Variants in SHROOM4 observed in about 807,000 individuals in gnomAD.
The protein encoded by SHROOM4 is protein Shroom4.
SHROOM4 carries 17 observed loss-of-function variants against 80.3 expected under a neutral mutation model. The ratio of observed to expected loss-of-function variants is 0.21; its 90% CI spans 0.14 to 0.32. The LOEUF (loss-of-function observed/expected upper bound fraction) is 0.32, where lower values mean the gene tolerates loss of function less well. Among genes scored for constraint, SHROOM4 ranks in the 10% least tolerant of loss-of-function variants. The pLI is 1.00. For missense variants in SHROOM4, 993 were observed against 1,140.3 expected, an observed-to-expected ratio of 0.87 and a Z score of 1.86; for synonymous variants, 400 against 437.5, an observed-to-expected ratio of 0.91 and a Z score of 1.07.
intron 1 of SHROOM4, among the ~76,000 whole-genome samples, chrX:50,766,796 A>AT (rs1935285984): frequency 8.9e-6 from 1 of 112,010 alleles, no homozygotes; most frequent in Admixed American, 9.5e-5. Flanking sequence ...AAGCAATAAA[A>AT]TTGGAAAAAT....
chrX:50,654,025 G>A (rs1932216200), intron 2 of SHROOM4, among the ~76,000 whole-genome samples: 2 of 111,917 alleles, frequency 1.8e-5, no homozygotes, highest in African/African-American at 3.2e-5. Context: ...CTAAATACGG[G>A]CTGCTGCTAT....
intron 2 of SHROOM4, among the ~76,000 whole-genome samples, chrX:50,656,109 T>C (rs183978755): frequency 8.9e-6 from 1 of 112,073 alleles, no homozygotes; most frequent in African/African-American, 3.2e-5. Flanking sequence ...TCAAGTTATT[T>C]GTTTTCTTAC....
intron 1 of SHROOM4, among the ~76,000 whole-genome samples, chrX:50,770,427 T>G (rs1935371890): frequency 8.9e-6 from 1 of 111,973 alleles, no homozygotes; most frequent in Non-Finnish European, 1.9e-5. Flanking sequence ...TCCAACATAC[T>G]GTGTTTCAAG....
intron 2 of SHROOM4, among the ~76,000 whole-genome samples, chrX:50,651,783 C>A (rs1557258858): frequency 1.9e-5 from 2 of 106,646 alleles, no homozygotes; most frequent in Non-Finnish European, 3.9e-5. Context: ...CTCCCAGTGT[C>A]CATGTGTTCT....
rs782384536 is a variant in SHROOM4, at chrX:50,666,668, C to G, written c.270-28360G>C. Among the ~76,000 whole-genome samples, 4 of 112,084 alleles carry G rather than the reference C, an allele frequency of 3.6e-5. No individual in the cohort carries two copies. The East Asian group carries it at 8.4e-4, about 24-fold the overall frequency. ...CTCATACAAAATGCATACACCAAAA[C>G]AAGTTTTTAATTTTTGTTCAAAATA... is the stretch of plus-strand genomic sequence containing the variant. On this transcript the variant is annotated intron_variant, in intron 2 of 8. Transcript: ENST00000376020.
chrX:50,692,447 G>T (rs1279758582), intron 2 of SHROOM4, among the ~76,000 whole-genome samples: 2 of 111,699 alleles, frequency 1.8e-5, no homozygotes, highest in African/African-American at 6.5e-5. Flanking sequence ...AAACAAATGG[G>T]AATGAAATTC....
chrX:50,696,036 G>T, intron 1 of SHROOM4, 99 bp from the exon 2 acceptor site: 2 of 981,427 alleles, frequency 2.0e-6, no homozygotes, highest in South Asian at 4.0e-5. Flanking sequence ...AGTAGTACTG[G>T]GGAATGGCTC....
At chrX:50,706,036 ACG>A (rs1569547882) in intron 1 of SHROOM4, among the ~76,000 whole-genome samples, 4 of 97,813 alleles carry the variant, frequency 4.1e-5, no homozygotes, top group Non-Finnish European at 6.3e-5. Flanking sequence ...ACACACACAC[ACG>A]TCATACCAAA....
chrX:50,668,052 C>T (rs1246080084), intron 2 of SHROOM4, among the ~76,000 whole-genome samples: 2 of 112,057 alleles, frequency 1.8e-5, no homozygotes, highest in Admixed American at 9.4e-5. Flanking sequence ...TCCACTCTGA[C>T]TAGGCTATTA....
chrX:50,721,610 C>T (rs1602461666), intron 1 of SHROOM4, among the ~76,000 whole-genome samples: 2 of 110,937 alleles, frequency 1.8e-5, no homozygotes, highest in African/African-American at 3.3e-5. Context: ...TATCTTGTGC[C>T]GACCTCCTGC....
At position 50,591,749 on chromosome X, in the gene SHROOM4, A is replaced by C. The variant is rs1000348970; in HGVS notation, c.*4946T>G. On this transcript the variant is annotated 3_prime_UTR_variant, in exon 9 of 9. Coordinates refer to ENST00000376020, the MANE Select transcript of SHROOM4 (RefSeq NM_020717.5). ...TTCTTTCTTTTTGAGACAAAGTCTC[A>C]CTCTGTTGCCCAGGATGGAGTGCAG... The C allele has an allele frequency of 1.1e-4, 31 of 287,284 alleles. No individual in the cohort carries two copies. Among genetic ancestry groups the C allele is most frequent in the Admixed American group, 1.7e-4 (4 of 23,814 alleles). The allele number at this position is 287,284 out of a possible 1,213,427, so 23.7% of individuals were successfully genotyped here.
intron 2 of SHROOM4, among the ~76,000 whole-genome samples, chrX:50,651,824 C>G (rs1277587267): frequency 1.8e-5 from 2 of 108,148 alleles, no homozygotes; most frequent in Non-Finnish European, 3.8e-5. Flanking sequence ...TGAGTGAGAA[C>G]ATGTGGTGTT....
chrX:50,776,201 A>C, intron 1 of SHROOM4, among the ~76,000 whole-genome samples: 1 of 111,739 alleles, frequency 8.9e-6, no homozygotes. Context: ...TACCAGAGAA[A>C]AGCTGCTTTC....
chrX:50,676,897 A>G (rs73483710), intron 2 of SHROOM4, among the ~76,000 whole-genome samples: 6,057 of 111,818 alleles, frequency 0.054, 184 homozygotes, highest in African/African-American at 0.098. Context: ...AGTGGAAGGA[A>G]GAAAAGTAAT....
chrX:50,671,258 A>G (rs1200204458), intron 2 of SHROOM4, among the ~76,000 whole-genome samples: 1 of 111,829 alleles, frequency 8.9e-6, no homozygotes, highest in Non-Finnish European at 1.9e-5. Context: ...GATTTTTGGA[A>G]TGGTAAATGA....
intron 7 of SHROOM4, 44 bp downstream of exon 7, chrX:50,602,589 A>G: frequency 1.7e-6 from 2 of 1,175,343 alleles, no homozygotes; most frequent in Middle Eastern, 2.3e-4. Flanking sequence ...AGATACATTC[A>G]AGCTAAATTC....
intron 1 of SHROOM4, among the ~76,000 whole-genome samples, chrX:50,788,968 T>C (rs974717609): frequency 8.9e-6 from 1 of 112,145 alleles, no homozygotes; most frequent in Non-Finnish European, 1.9e-5. Flanking sequence ...GATATAAGAA[T>C]TGTGAATATA....
At chrX:50,804,307 C>T (rs1602528421) in intron 1 of SHROOM4, among the ~76,000 whole-genome samples, 1 of 111,762 alleles carries the variant, frequency 8.9e-6, no homozygotes, top group South Asian at 3.8e-4. Context: ...AGAGTTGGGA[C>T]TAAACTTTAG....
intron 6 of SHROOM4, among the ~76,000 whole-genome samples, chrX:50,606,078 CTT>C (rs61169578): frequency 8.1e-5 from 8 of 98,902 alleles, no homozygotes; most frequent in Non-Finnish European, 4.1e-5. Context: ...ATGAAGGATT[CTT>C]TTTTTTTTTT....
Sources: gnomAD v4.1 joint callset for allele counts (sites outside exome capture counted in the v4.1 genomes callset) on GRCh38, gnomAD v4.1.1 for gene constraint, MANE v1.5 for transcripts, NCBI Gene and HGNC (gene_info 2026-07-23, HGNC 2026-07-21) for gene names.